Variants in CHST15 observed in about 807,000 individuals in gnomAD.
The protein encoded by CHST15 is B cell RAG associated protein (GALNAC4S-6ST).
In CHST15, 30 loss-of-function variants were observed where a neutral mutation model predicts 53.6. That is an observed-to-expected ratio of 0.56 (90% CI 0.42 to 0.76). CHST15 has a LOEUF of 0.76. Ranked by LOEUF, CHST15 falls within the 30% of genes least tolerant of loss-of-function variation. The probability of loss-of-function intolerance (pLI) is 0.00; values close to 1 mark genes in which losing one functional copy is unlikely to be tolerated. For missense variants in CHST15, 627 were observed against 740.5 expected (o/e 0.85, Z 1.78); for synonymous variants, 296 against 289.8 (o/e 1.02, Z -0.22).
intron 6 of CHST15, among the ~76,000 whole-genome samples, chr10:124,016,882 C>T (rs1946603693): frequency 6.6e-6 from 1 of 152,168 alleles, no homozygotes; most frequent in Non-Finnish European, 1.5e-5. Flanking sequence ...CTCAAGCATA[C>T]ACAACACAGG....
At position 124,008,266 on chromosome 10, in the gene CHST15, GT is replaced by G; in HGVS notation, c.*1882del. 3 of 1,181,182 alleles carry G rather than the reference GT, an allele frequency of 2.5e-6. No homozygotes were observed. Among genetic ancestry groups the G allele is most frequent in the Non-Finnish European group, 3.1e-6 (3 of 956,914 alleles). The allele number at this position is 1,181,182 out of a possible 1,614,324, so 73.2% of individuals were successfully genotyped here. ...GGCAGAGAAATTAATCTATAAAAGG[GT>G]TGTGTCCAGAGCGGAGGAGCCTCAT... On this transcript the variant is annotated 3_prime_UTR_variant, in exon 8 of 8. Transcript: ENST00000435907.
Position 124,008,313 on chromosome 10 carries a change from C to T in CHST15, c.*1836G>A. The T allele has an allele frequency of 3.6e-6, 4 of 1,114,534 alleles. No homozygotes were observed. The highest frequency in any genetic ancestry group is 4.4e-6 in the Non-Finnish European group (4 of 914,762). 69.0% of individuals were successfully genotyped at this position (1,114,534 alleles called of 1,614,324 possible). ...CTCATTAGCAACTGAACAGAACCCA[C>T]TCAGAAGACGCACTCACCCACACGT... On this transcript the variant is annotated 3_prime_UTR_variant, in exon 8 of 8. Coordinates refer to ENST00000435907, the MANE Select transcript of CHST15 (RefSeq NM_001270764.2).
chr10:124,022,807 A>G (rs969410549), intron 5 of CHST15, among the ~76,000 whole-genome samples: 6 of 119,280 alleles, frequency 5.0e-5, no homozygotes, highest in Non-Finnish European at 7.0e-5. Flanking sequence ...GCTCCTTGGC[A>G]TTTCTTTTTT....
chr10:124,091,774 GCTGGT>G (rs1218228819), intron 1 of CHST15, among the ~76,000 whole-genome samples: 3 of 152,216 alleles, frequency 2.0e-5, no homozygotes, highest in Non-Finnish European at 4.4e-5. Context: ...GCCCCCAGGA[GCTGGT>G]CCCAGCCTCC....
chr10:124,027,637 T>C (rs1315362616), intron 5 of CHST15, among the ~76,000 whole-genome samples: 1 of 151,822 alleles, frequency 6.6e-6, no homozygotes, highest in African/African-American at 2.4e-5. Context: ...TGCTGGGGGG[T>C]AGGGAGGGCC....
At position 124,019,090 on chromosome 10, in the gene CHST15, A is replaced by G. The variant is rs1946681625; in HGVS notation, c.1347+2166T>C. 6.6e-6 allele frequency among the ~76,000 whole-genome samples: 1 copy of G among 152,178 alleles called. No homozygotes were observed. The highest frequency in any genetic ancestry group is 2.4e-5 in the African/African-American group (1 of 41,440). On this transcript the variant is annotated intron_variant, in intron 6 of 7. Coordinates refer to ENST00000435907, the MANE Select transcript of CHST15 (RefSeq NM_001270764.2). This position sits in a 1 kb window ranked among gnomAD's most constrained non-coding sequence, Gnocchi z 4.6. Reference sequence around the variant, plus strand: ...CCATGCGAGGCCTGCAGGATGGAAGAGCCACCTGCACCAGGAAAGTGTAGA... The same window carrying G: ...CCATGCGAGGCCTGCAGGATGGAAGGGCCACCTGCACCAGGAAAGTGTAGA...
intron 6 of CHST15, chr10:124,020,975 G>T: frequency 7.1e-7 from 1 of 1,405,206 alleles, no homozygotes; most frequent in South Asian, 1.7e-5. Context: ...TGGGTGTCTT[G>T]CTAAATGGTA....
chr10:124,019,439 C>T lies in CHST15; in HGVS notation c.1347+1817G>A, dbSNP rs762571602. On this transcript the variant is annotated intron_variant, in intron 6 of 7. Transcript: ENST00000435907. The surrounding 1 kb of genome is among the most constrained non-coding windows in gnomAD (Gnocchi z 4.6). ...CAAGCTGTGCTGGTCAAGCCACACACAAATAGAGTTTCTCCGAGACCCTGT... is the reference window on the plus strand; with the variant it reads ...CAAGCTGTGCTGGTCAAGCCACACATAAATAGAGTTTCTCCGAGACCCTGT... 5.3e-5 allele frequency among the ~76,000 whole-genome samples: 8 copies of T among 152,162 alleles called. No homozygotes were observed. Among genetic ancestry groups the T allele is most frequent in the Non-Finnish European group, 1.2e-4 (8 of 68,032 alleles).
chr10:124,010,571 C>G (rs370877508), intron 7 of CHST15: 1 of 985,304 alleles, frequency 1.0e-6, no homozygotes, highest in African/African-American at 1.7e-5. Flanking sequence ...GATGCCCACC[C>G]TCGGGGGAGC....
At chr10:124,092,015 C>T (rs1291494829) in intron 1 of CHST15, among the ~76,000 whole-genome samples, 1 of 151,738 alleles carries the variant, frequency 6.6e-6, no homozygotes, top group Non-Finnish European at 1.5e-5. Flanking sequence ...CACGCACACA[C>T]TCGCGCGCAC....
In CHST15 at chr10:124,039,622, C is replaced by T. The variant is rs1947659128; in HGVS notation, c.1034-951G>A. On this transcript the variant is annotated intron_variant, in intron 4 of 7. Coordinates refer to ENST00000435907, the MANE Select transcript of CHST15 (RefSeq NM_001270764.2). ...AGCCAGTTTCACATTTCATCATGGT[C>T]CTCACGAGTGAAGGATGTAAATGGC... is the stretch of plus-strand genomic sequence containing the variant. 2.0e-5 allele frequency among the ~76,000 whole-genome samples: 3 copies of T among 152,204 alleles called. No individual in the cohort carries two copies. In the South Asian group the frequency reaches 6.2e-4, roughly 32 times the overall value.
chr10:124,027,128 A>C (rs1292631082), intron 5 of CHST15, among the ~76,000 whole-genome samples: 1 of 152,198 alleles, frequency 6.6e-6, no homozygotes, highest in Non-Finnish European at 1.5e-5. Context: ...TATAAGTCCA[A>C]ATGCATTCCA....
intron 1 of CHST15, among the ~76,000 whole-genome samples, chr10:124,082,500 C>T (rs1459868831): frequency 3.3e-5 from 5 of 152,118 alleles, no homozygotes; most frequent in Admixed American, 3.3e-4. Context: ...TTTCTAGGGC[C>T]AGGGAAAGAG....
chr10:124,060,451 C>A (rs1369462830), intron 1 of CHST15, among the ~76,000 whole-genome samples: 1 of 148,504 alleles, frequency 6.7e-6, no homozygotes, highest in Non-Finnish European at 1.5e-5. Context: ...GGTGTGCCAG[C>A]CCCACCAGGG....
Position 124,052,110 on chromosome 10 carries a change from C to A in CHST15, c.-512-5386G>T, listed in dbSNP as rs1359340191. 2.6e-5 allele frequency among the ~76,000 whole-genome samples: 4 copies of A among 152,082 alleles called. No individual in the cohort carries two copies. In the East Asian group the frequency reaches 7.7e-4, roughly 29 times the overall value. On this transcript the variant is annotated intron_variant, in intron 1 of 7. Transcript: ENST00000435907. Reference sequence around the variant, plus strand: ...AAAAAATTCAATGGGTCTTAATTAACCTTTACTAAAACACAAAGCCTTCTT... The same window carrying A: ...AAAAAATTCAATGGGTCTTAATTAAACTTTACTAAAACACAAAGCCTTCTT...
intron 1 of CHST15, among the ~76,000 whole-genome samples, chr10:124,064,283 A>G (rs1948684174): frequency 6.6e-6 from 1 of 152,150 alleles, no homozygotes; most frequent in African/African-American, 2.4e-5. Context: ...GGAAAAGTAA[A>G]TATTTGATCA....
intron 1 of CHST15, among the ~76,000 whole-genome samples, chr10:124,065,824 A>G (rs1948736194): frequency 6.6e-6 from 1 of 152,150 alleles, no homozygotes; most frequent in Non-Finnish European, 1.5e-5. Context: ...TCAGTTTCGT[A>G]TAACCCTTTC....
At chr10:124,047,601 T>C (rs1452927852) in intron 1 of CHST15, among the ~76,000 whole-genome samples, 1 of 152,224 alleles carries the variant, frequency 6.6e-6, no homozygotes, top group Non-Finnish European at 1.5e-5. Context: ...TCACCACTAA[T>C]TGGCTGTGTG....
chr10:124,019,650 G>T lies in CHST15; in HGVS notation c.1347+1606C>A. 1 of 458,818 alleles carries T rather than the reference G, an allele frequency of 2.2e-6. No individual in the cohort carries two copies. Among genetic ancestry groups the T allele is most frequent in the Non-Finnish European group, 2.9e-6 (1 of 348,456 alleles). 28.4% of individuals were successfully genotyped at this position (458,818 alleles called of 1,614,324 possible). On this transcript the variant is annotated intron_variant, in intron 6 of 7. Transcript: ENST00000435907. The surrounding 1 kb of genome is among the most constrained non-coding windows in gnomAD (Gnocchi z 4.6). ...CATGAAATTTACGTTAAACAAGTAT[G>T]TGTGCTTTCTCGCGTTAGTCTTTTA... is the stretch of plus-strand genomic sequence containing the variant.
Sources: gnomAD v4.1 joint callset for allele counts (sites outside exome capture counted in the v4.1 genomes callset) on GRCh38, gnomAD v4.1.1 for gene constraint, Gnocchi (gnomAD v3.1) non-coding constraint, MANE v1.5 for transcripts, NCBI Gene and HGNC (gene_info 2026-07-23, HGNC 2026-07-21) for gene names.